Variants in ARHGAP24 observed in about 807,000 individuals in gnomAD.
ARHGAP24 encodes rho GTPase-activating protein 24.
Under a neutral mutation model 76.4 loss-of-function variants are expected in ARHGAP24, and 50 were observed. The ratio of observed to expected loss-of-function variants is 0.65; its 90% CI spans 0.52 to 0.83. The LOEUF is 0.83. Ranked by LOEUF, ARHGAP24 falls within the 40% of genes least tolerant of loss-of-function variation. The pLI is 0.00. For synonymous variants in ARHGAP24, 345 were observed against 323.3 expected, an observed-to-expected ratio of 1.07 and a Z score of -0.72; for missense variants, 930 against 914.2, an observed-to-expected ratio of 1.02 and a Z score of -0.22.
chr4:85,745,440 A>G (rs1725995472), intron 3 of ARHGAP24, among the ~76,000 whole-genome samples: 1 of 137,480 alleles, frequency 7.3e-6, no homozygotes, highest in East Asian at 2.1e-4. Flanking sequence ...ATATATACAC[A>G]TATGCTGGGC....
intron 3 of ARHGAP24, among the ~76,000 whole-genome samples, chr4:85,867,924 C>T (rs1017706915): frequency 8.9e-5 from 7 of 78,950 alleles, no homozygotes; most frequent in Admixed American, 4.5e-4. Flanking sequence ...TATGTACACA[C>T]ACACAAACCA....
intron 2 of ARHGAP24, among the ~76,000 whole-genome samples, chr4:85,715,856 G>C (rs535438174): frequency 2.0e-5 from 3 of 152,066 alleles, no homozygotes; most frequent in African/African-American, 7.2e-5. Flanking sequence ...CAGGGCCTCA[G>C]ACTTGCTACA....
chr4:85,747,190 C>T (rs562759583), intron 3 of ARHGAP24, among the ~76,000 whole-genome samples: 9 of 152,070 alleles, frequency 5.9e-5, no homozygotes, highest in Non-Finnish European at 1.0e-4. Flanking sequence ...TCATTTTTTG[C>T]TTTTTAAATC....
chr4:85,628,353 A>G (rs1454521384), intron 2 of ARHGAP24, among the ~76,000 whole-genome samples: 2 of 152,168 alleles, frequency 1.3e-5, no homozygotes, highest in Non-Finnish European at 1.5e-5. Context: ...AACATGCTTG[A>G]TATGATTTCA....
chr4:85,478,958 G>C (rs539047568), intron 1 of ARHGAP24, among the ~76,000 whole-genome samples: 1 of 152,142 alleles, frequency 6.6e-6, no homozygotes, highest in African/African-American at 2.4e-5. Flanking sequence ...TTCCTCACTG[G>C]GTAGATTGGT....
intron 2 of ARHGAP24, among the ~76,000 whole-genome samples, chr4:85,610,676 G>T (rs199881291): frequency 2.0e-5 from 3 of 151,878 alleles, no homozygotes; most frequent in African/African-American, 7.3e-5. Flanking sequence ...GGTGGTTTTT[G>T]CTACCATGGT....
In ARHGAP24 at chr4:85,517,565, GTTAA is replaced by G. The variant is rs567974440; in HGVS notation, c.-21+42010_-21+42013del. On this transcript the variant is annotated intron_variant, in intron 1 of 9. Transcript: ENST00000395184. ...AGATTACACGTTTTCTTATATGCTT[GTTAA>G]TTAGTTATCATTTCTTCTTTTGTGA... Among the ~76,000 whole-genome samples the G allele has an allele frequency of 1.4e-4, 21 of 152,144 alleles. No homozygotes were observed. The South Asian group carries it at 3.5e-3, about 26-fold the overall frequency.
chr4:85,902,655 G>A (rs1210474523), intron 3 of ARHGAP24, among the ~76,000 whole-genome samples: 3 of 152,156 alleles, frequency 2.0e-5, no homozygotes, highest in Non-Finnish European at 4.4e-5. Flanking sequence ...CCAGGCTGGA[G>A]TGCAATGGTG....
At chr4:85,986,675 G>A (rs139101966) in intron 8 of ARHGAP24, among the ~76,000 whole-genome samples, 1 of 152,108 alleles carries the variant, frequency 6.6e-6, no homozygotes, top group Non-Finnish European at 1.5e-5. Flanking sequence ...AGAAATCTAC[G>A]GAGAGTAGAT....
At chr4:85,767,431 T>A (rs886600433) in intron 3 of ARHGAP24, among the ~76,000 whole-genome samples, 1 of 152,116 alleles carries the variant, frequency 6.6e-6, no homozygotes, top group Non-Finnish European at 1.5e-5. Flanking sequence ...CACATTCACA[T>A]GTGAATGCTT....
intron 2 of ARHGAP24, among the ~76,000 whole-genome samples, chr4:85,579,265 T>C (rs918142826): frequency 6.6e-6 from 1 of 152,182 alleles, no homozygotes; most frequent in Non-Finnish European, 1.5e-5. Context: ...CAATTCAATA[T>C]ATGGAACCAG....
intron 2 of ARHGAP24, among the ~76,000 whole-genome samples, chr4:85,714,706 A>G (rs1218143953): frequency 6.6e-6 from 1 of 152,070 alleles, no homozygotes; most frequent in South Asian, 2.1e-4. Flanking sequence ...TTCTCCCAAA[A>G]AATTATGCAT....
At chr4:85,759,579 C>T (rs959703367) in intron 3 of ARHGAP24, among the ~76,000 whole-genome samples, 1 of 152,078 alleles carries the variant, frequency 6.6e-6, no homozygotes, top group African/African-American at 2.4e-5. Context: ...GGTATCCACA[C>T]CGAGTCACAT....
intron 2 of ARHGAP24, among the ~76,000 whole-genome samples, chr4:85,662,312 C>A (rs1374477528): frequency 3.3e-5 from 5 of 151,650 alleles, no homozygotes; most frequent in Non-Finnish European, 7.3e-5. Flanking sequence ...GCATAAATGT[C>A]TTCTTTTGAG....
chr4:85,590,485 G>T (rs954706719), intron 2 of ARHGAP24, among the ~76,000 whole-genome samples: 3 of 151,792 alleles, frequency 2.0e-5, no homozygotes, highest in African/African-American at 2.4e-5. Flanking sequence ...CCAGCATCCC[G>T]AGTAGTTGGG....
At chr4:85,861,800 A>G (rs1415508429) in intron 3 of ARHGAP24, among the ~76,000 whole-genome samples, 1 of 152,068 alleles carries the variant, frequency 6.6e-6, no homozygotes, top group African/African-American at 2.4e-5. Context: ...AGATCCCCGC[A>G]TGAGCCTAAG....
At chr4:85,930,325 G>T in intron 4 of ARHGAP24, 1 of 986,860 alleles carries the variant, frequency 1.0e-6, no homozygotes, top group Non-Finnish European at 1.2e-6. Flanking sequence ...AGCATCAAAG[G>T]ATGGGGGGTG....
chr4:85,738,243 G>A (rs1197096456), intron 3 of ARHGAP24, among the ~76,000 whole-genome samples: 1 of 151,926 alleles, frequency 6.6e-6, no homozygotes, highest in Non-Finnish European at 1.5e-5. Context: ...TCTCATTGTG[G>A]TTTATTTGCA....
chr4:85,824,408 A>C (rs1263712411), intron 3 of ARHGAP24, among the ~76,000 whole-genome samples: 8 of 152,210 alleles, frequency 5.3e-5, no homozygotes, highest in African/African-American at 1.9e-4. Flanking sequence ...CTCATCCATG[A>C]ACCCAGTACT....
Sources: gnomAD v4.1 joint callset for allele counts (sites outside exome capture counted in the v4.1 genomes callset) on GRCh38, gnomAD v4.1.1 for gene constraint, MANE v1.5 for transcripts, NCBI Gene and HGNC (gene_info 2026-07-23, HGNC 2026-07-21) for gene names.